Variants in CADPS2 observed in about 807,000 individuals in gnomAD.
CADPS2 encodes the protein calcium-dependent secretion activator 2.
In CADPS2, 93 loss-of-function variants were observed where a neutral mutation model predicts 172.5. The ratio of observed to expected loss-of-function variants is 0.54; its 90% CI spans 0.46 to 0.64. The LOEUF (loss-of-function observed/expected upper bound fraction) is 0.64, where lower values mean the gene tolerates loss of function less well. CADPS2 is among the 30% of genes least tolerant of loss of function. CADPS2 has a pLI of 0.00. For missense variants in CADPS2, 1,420 were observed against 1,565.9 expected (o/e 0.91, Z 1.57); for synonymous variants, 546 against 555.2 (o/e 0.98, Z 0.23).
At chr7:122,587,679 G>A (rs1441875648) in intron 6 of CADPS2, among the ~76,000 whole-genome samples, 2 of 152,082 alleles carry the variant, frequency 1.3e-5, no homozygotes, top group African/African-American at 4.8e-5. Flanking sequence ...TGTGAATAGT[G>A]CTGCAATGAA....
chr7:122,478,169 T>C (rs1192719676), intron 12 of CADPS2, among the ~76,000 whole-genome samples: 1 of 152,216 alleles, frequency 6.6e-6, no homozygotes, highest in African/African-American at 2.4e-5. Flanking sequence ...AATTGGGTTA[T>C]ACTGGATTAT....
intron 2 of CADPS2, among the ~76,000 whole-genome samples, chr7:122,669,245 C>T (rs12530951): frequency 0.16 from 24,962 of 151,826 alleles, 2,125 homozygotes; most frequent in Admixed American, 0.23. Flanking sequence ...GTGGGAAGAT[C>T]GCTCAATCCC....
intron 1 of CADPS2, among the ~76,000 whole-genome samples, chr7:122,873,962 ATTTT>A (rs1820518664): frequency 6.6e-6 from 1 of 151,170 alleles, no homozygotes; most frequent in South Asian, 2.1e-4. Flanking sequence ...TAAATGTATT[ATTTT>A]GAGAAGTGTC....
intron 25 of CADPS2, among the ~76,000 whole-genome samples, chr7:122,364,904 T>C (rs565434304): frequency 6.6e-6 from 1 of 152,240 alleles, no homozygotes; most frequent in East Asian, 1.9e-4. Context: ...TTATGGGCAG[T>C]GTAGACAGTA....
At chr7:122,610,667 C>T (rs1391923983) in intron 6 of CADPS2, among the ~76,000 whole-genome samples, 3 of 151,878 alleles carry the variant, frequency 2.0e-5, no homozygotes, top group Non-Finnish European at 4.4e-5. Context: ...ATCATCTAAT[C>T]TACAATAGAT....
intron 18 of CADPS2, among the ~76,000 whole-genome samples, chr7:122,415,236 T>C (rs555198705): frequency 4.6e-5 from 7 of 152,322 alleles, no homozygotes; most frequent in South Asian, 2.1e-4. Context: ...ACGCTTATGA[T>C]TGTTTTCTAC....
chr7:122,344,920 C>T (rs916978827), intron 28 of CADPS2, among the ~76,000 whole-genome samples: 1 of 151,990 alleles, frequency 6.6e-6, no homozygotes. Flanking sequence ...TGCAAATGAA[C>T]AGGAATTGGA....
At chr7:122,367,760 T>C (rs1461545141) in intron 25 of CADPS2, among the ~76,000 whole-genome samples, 16 of 148,138 alleles carry the variant, frequency 1.1e-4, no homozygotes, top group Admixed American at 1.4e-4. Context: ...TAAAAGTTTA[T>C]TATGGTATAG....
At chr7:122,734,702 T>G (rs1280840420) in intron 2 of CADPS2, among the ~76,000 whole-genome samples, 1 of 152,268 alleles carries the variant, frequency 6.6e-6, no homozygotes, top group Non-Finnish European at 1.5e-5. Flanking sequence ...GCAACTTTTC[T>G]ACCTTATTTT....
At chr7:122,698,115 T>C (rs781543849) in intron 2 of CADPS2, 2 of 1,614,004 alleles carry the variant, frequency 1.2e-6, no homozygotes, top group South Asian at 2.2e-5. Context: ...GAATACGAAC[T>C]ATGTCATTAG....
intron 1 of CADPS2, among the ~76,000 whole-genome samples, chr7:122,819,674 C>A (rs887283335): frequency 1.3e-5 from 2 of 152,064 alleles, no homozygotes; most frequent in Non-Finnish European, 1.5e-5. Flanking sequence ...CTGCCCAGTT[C>A]CCTTATTAGG....
chr7:122,379,509 T>C (rs756460422), intron 24 of CADPS2, 67 bp from the exon 25 acceptor site: 6 of 953,498 alleles, frequency 6.3e-6, no homozygotes, highest in Non-Finnish European at 8.4e-6. Flanking sequence ...CAGTCATAAA[T>C]GCTCTAAATC....
At chr7:122,833,560 G>GT (rs200019128) in intron 1 of CADPS2, among the ~76,000 whole-genome samples, 1,600 of 151,264 alleles carry the variant, frequency 0.011, 13 homozygotes, top group Non-Finnish European at 0.015. Flanking sequence ...GTTTTGTTTT[G>GT]TTTTTTTGTA....
intron 2 of CADPS2, among the ~76,000 whole-genome samples, chr7:122,716,643 C>T (rs1000989850): frequency 6.6e-6 from 1 of 151,946 alleles, no homozygotes; most frequent in Non-Finnish European, 1.5e-5. Flanking sequence ...CAAACCTGCA[C>T]GTTGTGCACA....
intron 2 of CADPS2, among the ~76,000 whole-genome samples, chr7:122,724,619 T>C (rs549991078): frequency 6.6e-6 from 1 of 152,198 alleles, no homozygotes; most frequent in Admixed American, 6.6e-5. Context: ...GGCAAGTACA[T>C]TATTATCTCC....
chr7:122,323,468 A>C (rs974342985), intron 29 of CADPS2, among the ~76,000 whole-genome samples: 1 of 152,118 alleles, frequency 6.6e-6, no homozygotes, highest in Admixed American at 6.5e-5. Flanking sequence ...GAGAATACTT[A>C]AGATCTACTC....
At chr7:122,677,474 A>G (rs565456356) in intron 2 of CADPS2, among the ~76,000 whole-genome samples, 2 of 152,146 alleles carry the variant, frequency 1.3e-5, no homozygotes, top group South Asian at 2.1e-4. Flanking sequence ...CAGGCCTGGA[A>G]AGTGCTCTGG....
At chr7:122,487,389 G>A (rs1284391482) in intron 11 of CADPS2, among the ~76,000 whole-genome samples, 1 of 152,008 alleles carries the variant, frequency 6.6e-6, no homozygotes, top group South Asian at 2.1e-4. Flanking sequence ...TATTGCAGTG[G>A]TCTGGAACTG....
At chr7:122,636,486 G>C (rs1387922373) in intron 3 of CADPS2, among the ~76,000 whole-genome samples, 3 of 92,648 alleles carry the variant, frequency 3.2e-5, no homozygotes, top group Admixed American at 3.1e-4. Context: ...TTTTTTTTGA[G>C]ATGGAGTCTC....
Sources: gnomAD v4.1 joint callset for allele counts (sites outside exome capture counted in the v4.1 genomes callset) on GRCh38, gnomAD v4.1.1 for gene constraint, MANE v1.5 for transcripts, NCBI Gene and HGNC (gene_info 2026-07-23, HGNC 2026-07-21) for gene names.